PITPNA: variants seen among roughly 807,000 people sequenced by gnomAD.
PITPNA encodes phosphatidylinositol transfer protein alpha isoform.
A neutral mutation model predicts 50.3 loss-of-function variants in PITPNA; 13 were observed. The ratio of observed to expected loss-of-function variants is 0.26; its 90% CI spans 0.17 to 0.41. The LOEUF is 0.41. PITPNA is among the 10% of genes least tolerant of loss of function. The probability of loss-of-function intolerance (pLI) is 1.00; values close to 1 mark genes in which losing one functional copy is unlikely to be tolerated. For missense variants in PITPNA, 207 were observed against 333.4 expected, an observed-to-expected ratio of 0.62 and a Z score of 2.95; for synonymous variants, 120 against 119.6, an observed-to-expected ratio of 1.00 and a Z score of -0.02.
intron 10 of PITPNA, among the ~76,000 whole-genome samples, chr17:1,533,447 G>A (rs778411027): frequency 3.9e-5 from 6 of 152,174 alleles, no homozygotes; most frequent in Non-Finnish European, 7.4e-5. Context: ...GTAGGTAAAG[G>A]CCCTCAGAAT....
chr17:1,555,193 C>G (rs73297001), intron 2 of PITPNA, among the ~76,000 whole-genome samples: 2 of 152,312 alleles, frequency 1.3e-5, no homozygotes, highest in African/African-American at 4.8e-5. Context: ...AGAGACTAAT[C>G]GCCTTCATTT....
chr17:1,529,570 C>A (rs2075568925), intron 10 of PITPNA, among the ~76,000 whole-genome samples: 1 of 150,720 alleles, frequency 6.6e-6, no homozygotes, highest in East Asian at 2.0e-4. Flanking sequence ...ATTTTAGATT[C>A]TTGGCTGGGC....
chr17:1,537,240 T>C (rs763837035), intron 7 of PITPNA, among the ~76,000 whole-genome samples: 4 of 152,102 alleles, frequency 2.6e-5, no homozygotes, highest in Non-Finnish European at 4.4e-5. Context: ...ATCTGTTGTA[T>C]TTTTAGTAGA....
chr17:1,535,372 C>T lies in PITPNA; in HGVS notation c.534+69G>A, dbSNP rs1598406708. Reference sequence around the variant, plus strand: ...CGTCCCCAGCTCACCCCAGCCATGCCCCTCCTCCACAGGGAGCGGCCCACC... The same window carrying T: ...CGTCCCCAGCTCACCCCAGCCATGCTCCTCCTCCACAGGGAGCGGCCCACC... On this transcript the variant is annotated intron_variant, in intron 8 of 11. Coordinates refer to ENST00000313486, the MANE Select transcript of PITPNA (RefSeq NM_006224.4). 5 of 1,510,232 alleles carry T rather than the reference C, an allele frequency of 3.3e-6. No individual in the cohort carries two copies. The East Asian group carries it at 1.1e-4, about 34-fold the overall frequency. 93.6% of individuals were successfully genotyped at this position (1,510,232 alleles called of 1,614,324 possible).
intron 10 of PITPNA, among the ~76,000 whole-genome samples, chr17:1,530,495 G>C (rs974000455): frequency 7.2e-5 from 11 of 152,192 alleles, no homozygotes; most frequent in African/African-American, 2.4e-4. Context: ...GGTCCGCCCG[G>C]ACAGGGACTA....
At chr17:1,539,379 C>T (rs1216866015) in intron 6 of PITPNA, among the ~76,000 whole-genome samples, 3 of 151,908 alleles carry the variant, frequency 2.0e-5, no homozygotes, top group African/African-American at 7.3e-5. Context: ...GTCACAGCCT[C>T]CTGAGGAGCT....
intron 2 of PITPNA, 104 bp downstream of exon 2, chr17:1,558,425 C>T: frequency 1.4e-6 from 1 of 736,332 alleles, no homozygotes; most frequent in Non-Finnish European, 2.3e-6. Context: ...TATGTTAGAA[C>T]AAATAAGAAA....
chr17:1,526,817 C>T (rs564786957), intron 10 of PITPNA, among the ~76,000 whole-genome samples: 84 of 152,306 alleles, frequency 5.5e-4, no homozygotes, highest in African/African-American at 1.9e-3. Flanking sequence ...CAGGCTAGAA[C>T]ACAGTGGCAT....
chr17:1,545,670 T>G (rs2075669660), intron 4 of PITPNA, among the ~76,000 whole-genome samples: 1 of 152,188 alleles, frequency 6.6e-6, no homozygotes, highest in Admixed American at 6.5e-5. Flanking sequence ...TTTCTTTTCT[T>G]TTGGCCAAGG....
In PITPNA at chr17:1,517,790, G is replaced by A. The variant is rs80323293; in HGVS notation, c.*2771C>T. On this transcript the variant is annotated 3_prime_UTR_variant, in exon 12 of 12. Transcript: ENST00000313486. ...GACATCCTGTCAGTAGGAAACGGCC[G>A]AATTACAATTCAGATGTGCAATGTT... 0.087 allele frequency: 13,237 copies of A among 152,214 alleles called. 713 individuals are homozygous for A. The highest frequency in any genetic ancestry group is 0.15 in the African/African-American group (6,172 of 41,486). The allele number at this position is 152,214 out of a possible 1,614,324, so 9.4% of individuals were successfully genotyped here. A position where few individuals can be genotyped will look rare whatever the true frequency, so the allele number is the denominator to read the frequency against.
At chr17:1,533,332 G>A (rs1014500877) in intron 10 of PITPNA, among the ~76,000 whole-genome samples, 2 of 152,178 alleles carry the variant, frequency 1.3e-5, no homozygotes, top group African/African-American at 4.8e-5. Flanking sequence ...CTGCAAGACG[G>A]TGTGACCCAG....
At chr17:1,558,976 C>A (rs2075754700) in intron 1 of PITPNA, among the ~76,000 whole-genome samples, 2 of 152,108 alleles carry the variant, frequency 1.3e-5, no homozygotes, top group African/African-American at 2.4e-5. Flanking sequence ...GTCGTCCCCC[C>A]AACAAGACTT....
At chr17:1,524,407 C>G (rs115640140) in intron 10 of PITPNA, among the ~76,000 whole-genome samples, 1 of 143,806 alleles carries the variant, frequency 7.0e-6, no homozygotes, top group Non-Finnish European at 1.5e-5. Context: ...TGCAGTGGTG[C>G]GATCACCATG....
In PITPNA at chr17:1,536,540, T is replaced by C. The variant is rs933821092; in HGVS notation, c.457-1022A>G. ...TCCTGACCTCGTGATCCGCCCACCT[T>C]GGCCTCCCACAGTGCTGGGATTACA... On this transcript the variant is annotated intron_variant, in intron 7 of 11. Transcript: ENST00000313486. Among the ~76,000 whole-genome samples, 22 of 151,842 alleles carry C rather than the reference T, an allele frequency of 1.4e-4. No individual in the cohort carries two copies. In the South Asian group the frequency reaches 2.1e-3, roughly 14 times the overall value.
At chr17:1,548,163 A>G (rs984044010) in intron 4 of PITPNA, 133 bp downstream of exon 4, 19 of 589,304 alleles carry the variant, frequency 3.2e-5, no homozygotes, top group Non-Finnish European at 5.0e-5. Flanking sequence ...TGCTGGACAC[A>G]GCACTGATAC....
intron 2 of PITPNA, 140 bp downstream of exon 2, chr17:1,558,389 C>A (rs768109315): frequency 3.1e-6 from 2 of 645,334 alleles, no homozygotes; most frequent in Non-Finnish European, 5.5e-6. Context: ...CTGAAAGTGG[C>A]ACCACGAAAT....
chr17:1,524,102 T>G (rs1392058309), intron 10 of PITPNA, among the ~76,000 whole-genome samples: 1 of 149,488 alleles, frequency 6.7e-6, no homozygotes, highest in Non-Finnish European at 1.5e-5. Context: ...TGGTGTGCAG[T>G]GGCACGATCT....
chr17:1,539,357 A>G (rs1440458048), intron 6 of PITPNA, among the ~76,000 whole-genome samples: 1 of 151,800 alleles, frequency 6.6e-6, no homozygotes, highest in Non-Finnish European at 1.5e-5. Context: ...GCTGGGCCCG[A>G]GTGATCCTCC....
intron 3 of PITPNA, among the ~76,000 whole-genome samples, chr17:1,552,274 AG>A (rs771329808): frequency 1.8e-4 from 28 of 152,326 alleles, no homozygotes; most frequent in Non-Finnish European, 3.8e-4. Context: ...AAAAAGATTC[AG>A]GTTTACCTTT....
Sources: gnomAD v4.1 joint callset for allele counts (sites outside exome capture counted in the v4.1 genomes callset) on GRCh38, gnomAD v4.1.1 for gene constraint, MANE v1.5 for transcripts, NCBI Gene and HGNC (gene_info 2026-07-23, HGNC 2026-07-21) for gene names.